ZNF362: variants seen among roughly 807,000 people sequenced by gnomAD.
ZNF362 encodes the protein rotund homolog.
A neutral mutation model predicts 42.9 loss-of-function variants in ZNF362; 11 were observed. The observed-to-expected ratio is 0.26, with a 90% confidence interval of 0.16 to 0.42. The LOEUF is 0.42. Ranked by LOEUF, ZNF362 falls within the 20% of genes least tolerant of loss-of-function variation. The probability of loss-of-function intolerance (pLI) is 1.00; values close to 1 mark genes in which losing one functional copy is unlikely to be tolerated. For missense variants in ZNF362, 362 were observed against 576.2 expected (o/e 0.63, Z 3.81); for synonymous variants, 255 against 257.3 (o/e 0.99, Z 0.09).
the ZNF362 span, among the ~76,000 whole-genome samples, chr1:33,145,202 G>C: frequency 6.6e-6 from 1 of 152,188 alleles, no homozygotes; most frequent in African/African-American, 2.4e-5. Flanking sequence ...TTGTGGTGTG[G>C]CACTTGCCAG....
At chr1:33,253,048 G>C (rs942842305), upstream of ZNF362, among the ~76,000 whole-genome samples, 1 of 151,728 alleles carries the variant, frequency 6.6e-6, no homozygotes, top group African/African-American at 2.4e-5. Context: ...CTATGTGAAG[G>C]ATCTAGAATG....
intron 1 of ZNF362, among the ~76,000 whole-genome samples, chr1:33,259,850 C>T (rs1241202769): frequency 6.6e-6 from 1 of 152,242 alleles, no homozygotes; most frequent in African/African-American, 2.4e-5. Context: ...TAAACCATCA[C>T]AGTGGTAGAC....
chr1:33,210,936 AT>A, the ZNF362 span, among the ~76,000 whole-genome samples: 97,306 of 139,846 alleles, frequency 0.7, 33,529 homozygotes, highest in Non-Finnish European at 0.75. Flanking sequence ...TTTAAGGTTA[AT>A]TTTTTTTTTT....
At chr1:33,268,980 G>T (rs1189258892) in intron 1 of ZNF362, among the ~76,000 whole-genome samples, 3 of 152,206 alleles carry the variant, frequency 2.0e-5, no homozygotes, top group Non-Finnish European at 2.9e-5. Context: ...CAGAGCTGAA[G>T]GGGGCCTGGA....
chr1:33,191,833 C>T, the ZNF362 span, among the ~76,000 whole-genome samples: 4 of 152,168 alleles, frequency 2.6e-5, no homozygotes, highest in African/African-American at 9.6e-5. Flanking sequence ...AGTACCTCCT[C>T]AATGGTTGAG....
At chr1:33,147,265 C>T in the ZNF362 span, 1 of 1,614,122 alleles carries the variant, frequency 6.2e-7, no homozygotes, top group Non-Finnish European at 8.5e-7. This position sits in a 1 kb window ranked among gnomAD's most constrained non-coding sequence, Gnocchi z 8.1. Flanking sequence ...GCAGAGCTTG[C>T]CAGGGAACTT....
the ZNF362 span, among the ~76,000 whole-genome samples, chr1:33,135,420 C>A: frequency 0.18 from 27,818 of 152,228 alleles, 3,031 homozygotes; most frequent in South Asian, 0.29. Context: ...GTGGCCCACC[C>A]CAGTAAGAGA....
the ZNF362 span, among the ~76,000 whole-genome samples, chr1:33,237,210 C>T: frequency 6.6e-6 from 1 of 152,054 alleles, no homozygotes; most frequent in South Asian, 2.1e-4. Context: ...ATGACTCCTC[C>T]CCCTGCCATG....
chr1:33,270,179 C>A (rs116359987), intron 1 of ZNF362, among the ~76,000 whole-genome samples: 71 of 152,268 alleles, frequency 4.7e-4, no homozygotes, highest in African/African-American at 1.5e-3. Context: ...GAATGAGCAC[C>A]AACCCTACTT....
the ZNF362 span, among the ~76,000 whole-genome samples, chr1:33,134,429 T>C: frequency 2.0e-5 from 3 of 152,276 alleles, no homozygotes; most frequent in Admixed American, 6.5e-5. Context: ...AGGAATCCAA[T>C]AATACTGCCT....
intron 1 of ZNF362, among the ~76,000 whole-genome samples, chr1:33,258,670 G>C (rs545319429): frequency 5.9e-5 from 9 of 152,262 alleles, no homozygotes; most frequent in South Asian, 2.1e-4. Flanking sequence ...ACCCCTGGAA[G>C]ATCCGTTTTG....
Position 33,280,573 on chromosome 1 carries a change from G to T in ZNF362, c.683+116G>T. The T allele has an allele frequency of 6.9e-7, 1 of 1,445,378 alleles. No homozygotes were observed. Among genetic ancestry groups the T allele is most frequent in the Non-Finnish European group, 9.1e-7 (1 of 1,096,842 alleles). 89.5% of individuals were successfully genotyped at this position (1,445,378 alleles called of 1,614,324 possible). A position where few individuals can be genotyped will look rare whatever the true frequency, so the allele number is the denominator to read the frequency against. On this transcript the variant is annotated intron_variant, in intron 5 of 8. Coordinates refer to ENST00000539719, the MANE Select transcript of ZNF362 (RefSeq NM_152493.3). The surrounding 1 kb of genome is among the most constrained non-coding windows in gnomAD (Gnocchi z 5.6). ...AGGACCCTTAGGGCTGAGGGGCAGG[G>T]CTAGGGTCCAGAGGGGCGGGGCCTT... is the stretch of plus-strand genomic sequence containing the variant.
At chr1:33,150,724 G>A in the ZNF362 span, among the ~76,000 whole-genome samples, 2 of 152,188 alleles carry the variant, frequency 1.3e-5, no homozygotes, top group African/African-American at 4.8e-5. Context: ...CCCACAGTGG[G>A]GTCGGGAGGT....
the ZNF362 span, among the ~76,000 whole-genome samples, chr1:33,133,940 G>A: frequency 6.6e-6 from 1 of 152,340 alleles, no homozygotes; most frequent in East Asian, 1.9e-4. Context: ...TGCTTTACAT[G>A]CCTTATCTTA....
At chr1:33,158,619 A>G in the ZNF362 span, among the ~76,000 whole-genome samples, 1 of 152,210 alleles carries the variant, frequency 6.6e-6, no homozygotes, top group Non-Finnish European at 1.5e-5. Flanking sequence ...TACATGGCAT[A>G]ACATATACAG....
chr1:33,225,907 C>T, the ZNF362 span, among the ~76,000 whole-genome samples: 1 of 152,178 alleles, frequency 6.6e-6, no homozygotes, highest in African/African-American at 2.4e-5. Flanking sequence ...AGGTCTAAGA[C>T]ACCCATTTAC....
At chr1:33,275,673 A>G (rs913349047) in intron 2 of ZNF362, among the ~76,000 whole-genome samples, 1 of 152,212 alleles carries the variant, frequency 6.6e-6, no homozygotes, top group African/African-American at 2.4e-5. Context: ...AGCAGGGATC[A>G]GGGATGGGCA....
chr1:33,158,150 T>TGCTCATTCACCCC, the ZNF362 span: 1 of 1,033,796 alleles, frequency 9.7e-7, no homozygotes, highest in Non-Finnish European at 1.5e-6. Flanking sequence ...CAAGGCACTC[T>TGCTCATTCACCCC]GCTCATTCAC....
the ZNF362 span, among the ~76,000 whole-genome samples, chr1:33,185,025 A>G: frequency 6.6e-6 from 1 of 150,774 alleles, no homozygotes; most frequent in Non-Finnish European, 1.5e-5. Context: ...AGGTCATCCA[A>G]CCGCCTCTGC....
Sources: allele counts gnomAD v4.1 joint callset (sites outside exome capture counted in the v4.1 genomes callset), GRCh38; gene constraint gnomAD v4.1.1; non-coding constraint Gnocchi (gnomAD v3.1); transcripts MANE v1.5; gene names NCBI Gene and HGNC (gene_info 2026-07-23, HGNC 2026-07-21).